Variants in FHIT observed in about 807,000 individuals in gnomAD.
FHIT encodes the protein fragile histidine triad diadenosine triphosphatase.
Under a neutral mutation model 17.9 loss-of-function variants are expected in FHIT, and 19 were observed. The ratio of observed to expected loss-of-function variants is 1.06; its 90% CI spans 0.74 to 1.56. The LOEUF (loss-of-function observed/expected upper bound fraction) is 1.56. Among genes scored for constraint, FHIT ranks in the 40% most tolerant of loss-of-function variants. The pLI is 0.00. For missense variants in FHIT, 248 were observed against 189.2 expected (o/e 1.31, Z -1.82); for synonymous variants, 81 against 69.7 (o/e 1.16, Z -0.81).
chr3:61,210,009 T>C (rs1401816483), intron 1 of FHIT, among the ~76,000 whole-genome samples: 1 of 152,244 alleles, frequency 6.6e-6, no homozygotes, highest in African/African-American at 2.4e-5. Flanking sequence ...GTCCTTTCTG[T>C]TTGTTAGTTT....
chr3:60,705,044 G>A (rs2041339216), intron 4 of FHIT, among the ~76,000 whole-genome samples: 4 of 148,238 alleles, frequency 2.7e-5, no homozygotes, highest in African/African-American at 7.5e-5. Flanking sequence ...AGTCCACTGT[G>A]GAATTAAAAA....
At chr3:60,156,349 C>CAA (rs531763537) in intron 5 of FHIT, among the ~76,000 whole-genome samples, 2 of 106,430 alleles carry the variant, frequency 1.9e-5, no homozygotes, top group East Asian at 2.9e-4. Flanking sequence ...GACTCTGTCT[C>CAA]AAAAAAAAAA....
chr3:60,624,985 T>C (rs1425948615), intron 4 of FHIT, among the ~76,000 whole-genome samples: 1 of 152,148 alleles, frequency 6.6e-6, no homozygotes, highest in African/African-American at 2.4e-5. Flanking sequence ...CTCAGCTCAC[T>C]GCAATCTCCG....
intron 5 of FHIT, among the ~76,000 whole-genome samples, chr3:60,119,511 A>T (rs369110370): frequency 5.9e-5 from 9 of 152,352 alleles, no homozygotes; most frequent in African/African-American, 2.2e-4. Context: ...TACAACTAAC[A>T]GCATTATAAA....
At chr3:60,400,433 C>T (rs1313434471) in intron 5 of FHIT, among the ~76,000 whole-genome samples, 1 of 152,126 alleles carries the variant, frequency 6.6e-6, no homozygotes, top group Admixed American at 6.5e-5. Flanking sequence ...TGGATTCCTG[C>T]TTTGTCCTAT....
intron 3 of FHIT, among the ~76,000 whole-genome samples, chr3:60,888,275 T>C (rs1705326845): frequency 6.6e-6 from 1 of 152,218 alleles, no homozygotes; most frequent in Non-Finnish European, 1.5e-5. Context: ...CTAAGGTTTA[T>C]TGTTTGTTCA....
chr3:60,744,263 C>CAAAAAAAAAAAAAAAAAAAAAA (rs1201886354), intron 4 of FHIT, among the ~76,000 whole-genome samples: 51 of 85,952 alleles, frequency 5.9e-4, no homozygotes, highest in Non-Finnish European at 7.8e-4. Flanking sequence ...AAAAACAAAA[C>CAAAAAAAAAAAAAAAAAAAAAA]AAAACAAAAA....
Position 60,428,545 on chromosome 3 carries a change from CCTT to C in FHIT, c.103+108312_103+108314del, listed in dbSNP as rs951990787. Among the ~76,000 whole-genome samples the C allele has an allele frequency of 1.1e-3, 169 of 152,254 alleles. 1 individual carries two copies. The highest frequency in any genetic ancestry group is 6.8e-3 in the Middle Eastern group (2 of 294). On this transcript the variant is annotated intron_variant, in intron 5 of 9. Coordinates refer to ENST00000492590, the MANE Select transcript of FHIT (RefSeq NM_002012.4). ...AACATTAGCAATATTGCTTGTTTAT[CCTT>C]CTTTCTGTGAACACTGACTACCACA...
At chr3:60,179,303 G>A (rs1262806484) in intron 5 of FHIT, among the ~76,000 whole-genome samples, 1 of 152,172 alleles carries the variant, frequency 6.6e-6, no homozygotes, top group African/African-American at 2.4e-5. Context: ...GCAGGGCAGG[G>A]ATTTGAAAGG....
At chr3:59,750,186 T>G in intron 9 of FHIT, 1 of 225,948 alleles carries the variant, frequency 4.4e-6, no homozygotes, top group Non-Finnish European at 8.8e-6. Context: ...CTACAGGAAA[T>G]TTGGGTAATA....
At chr3:60,878,886 T>C (rs1553757235) in intron 3 of FHIT, among the ~76,000 whole-genome samples, 1 of 152,222 alleles carries the variant, frequency 6.6e-6, no homozygotes, top group Non-Finnish European at 1.5e-5. Context: ...ATCCAGTCTA[T>C]CATTGTTGGA....
chr3:61,231,688 T>C (rs1333949295), intron 1 of FHIT, among the ~76,000 whole-genome samples: 1 of 152,210 alleles, frequency 6.6e-6, no homozygotes, highest in African/African-American at 2.4e-5. Context: ...TGCTAGGTAC[T>C]AGAGTCTGGT....
chr3:59,756,961 TTTTC>T (rs1575606373), intron 8 of FHIT, among the ~76,000 whole-genome samples: 4 of 152,302 alleles, frequency 2.6e-5, no homozygotes, highest in East Asian at 3.9e-4. Flanking sequence ...TTGGCAGTGT[TTTTC>T]TTTCTTAGTA....
At chr3:60,549,874 G>A (rs2036488451) in intron 4 of FHIT, among the ~76,000 whole-genome samples, 2 of 152,202 alleles carry the variant, frequency 1.3e-5, no homozygotes, top group Middle Eastern at 3.4e-3. Context: ...GAATATTAAG[G>A]TTCACTGTAA....
intron 5 of FHIT, among the ~76,000 whole-genome samples, chr3:60,466,235 T>TA (rs1325362180): frequency 6.6e-6 from 1 of 152,104 alleles, no homozygotes; most frequent in Admixed American, 6.5e-5. Flanking sequence ...TTGATTTTTA[T>TA]ATCTTGCAAC....
intron 5 of FHIT, among the ~76,000 whole-genome samples, chr3:60,226,055 C>A (rs959101310): frequency 1.1e-4 from 17 of 152,100 alleles, no homozygotes; most frequent in Admixed American, 5.2e-4. Context: ...GACAGCCCCA[C>A]AGGGAGAGAA....
Position 60,753,296 on chromosome 3 carries a change from G to C in FHIT, c.-18+68623C>G, listed in dbSNP as rs532269415. Among the ~76,000 whole-genome samples, 4 of 138,344 alleles carry C rather than the reference G, an allele frequency of 2.9e-5. No homozygotes were observed. In the South Asian group the frequency reaches 6.5e-4, roughly 23 times the overall value. 90.8% of individuals were successfully genotyped at this position (138,344 alleles called of 152,430 possible). On this transcript the variant is annotated intron_variant, in intron 4 of 9. Coordinates refer to ENST00000492590, the MANE Select transcript of FHIT (RefSeq NM_002012.4). ...TGTGGAGTTAGGGAGTTATGGATTAGGTTCCAATCCATTAATTCTTTTATT... is the reference window on the plus strand; with the variant it reads ...TGTGGAGTTAGGGAGTTATGGATTACGTTCCAATCCATTAATTCTTTTATT...
At chr3:61,076,776 T>G (rs573806153) in intron 2 of FHIT, among the ~76,000 whole-genome samples, 4 of 152,256 alleles carry the variant, frequency 2.6e-5, no homozygotes, top group Admixed American at 6.5e-5. Flanking sequence ...GGTAGAGGAA[T>G]GGTTTGAACT....
chr3:61,216,469 G>T (rs1376076789), intron 1 of FHIT, among the ~76,000 whole-genome samples: 1 of 152,178 alleles, frequency 6.6e-6, no homozygotes, highest in East Asian at 1.9e-4. Context: ...AGTTAGAATG[G>T]CAATCATTAA....
Sources: allele counts gnomAD v4.1 joint callset (sites outside exome capture counted in the v4.1 genomes callset), GRCh38; gene constraint gnomAD v4.1.1; transcripts MANE v1.5; gene names NCBI Gene and HGNC (gene_info 2026-07-23, HGNC 2026-07-21).